Variants in MEX3D observed in about 807,000 individuals in gnomAD.
MEX3D encodes the protein mex-3 RNA binding family member D.
Under a neutral mutation model 6.3 loss-of-function variants are expected in MEX3D, and 4 were observed. The ratio of observed to expected loss-of-function variants is 0.64; its 90% CI spans 0.31 to 1.46. The LOEUF (loss-of-function observed/expected upper bound fraction) is 1.46, where lower values mean the gene tolerates loss of function less well. Among genes scored for constraint, MEX3D ranks in the 40% most tolerant of loss-of-function variants. The probability of loss-of-function intolerance (pLI) is 0.07; values close to 1 mark genes in which losing one functional copy is unlikely to be tolerated. For synonymous variants in MEX3D, 626 were observed against 494.1 expected, an observed-to-expected ratio of 1.27 and a Z score of -3.54; for missense variants, 1,038 against 994.4, an observed-to-expected ratio of 1.04 and a Z score of -0.59.
rs185215003 is a variant in MEX3D at position 1,556,945 on chromosome 19, G to C, written c.596-22C>G. 2.5e-6 allele frequency: 4 copies of C among 1,575,290 alleles called. No individual in the cohort carries two copies. The African/African-American group carries it at 4.0e-5, about 16-fold the overall frequency. On this transcript the variant is annotated intron_variant, in intron 1 of 1. Transcript: ENST00000402693. This position sits in a 1 kb window ranked among gnomAD's most constrained non-coding sequence, Gnocchi z 7.5. ...CAGCCTGTCCGGGAGGGAGGGGAAG[G>C]ACAAGGTGACCCAGAGCCCCCTGCG... is the stretch of plus-strand genomic sequence containing the variant.
chr19:1,564,527 C>T (rs1370854571), intron 1 of MEX3D, among the ~76,000 whole-genome samples: 2 of 134,128 alleles, frequency 1.5e-5, no homozygotes, highest in Non-Finnish European at 3.1e-5. Flanking sequence ...AGCGAGACTC[C>T]ATCCCAAAAA....
chr19:1,568,126 C>T lies in MEX3D; in HGVS notation c.-68G>A, dbSNP rs890555448. The T allele has an allele frequency of 5.4e-5, 53 of 978,054 alleles. No homozygotes were observed. Among genetic ancestry groups the T allele is most frequent in the Non-Finnish European group, 6.0e-5 (50 of 827,076 alleles). 60.6% of individuals were successfully genotyped at this position (978,054 alleles called of 1,614,324 possible). A position where few individuals can be genotyped will look rare whatever the true frequency, so the allele number is the denominator to read the frequency against. ...CGCCGCCGCCGCCCGCGCCGCCCTC[C>T]GCCTCTGCGAGCTGGGCCGCCGGCC... On this transcript the variant is annotated 5_prime_UTR_variant, in exon 1 of 2. Coordinates refer to ENST00000402693, the MANE Select transcript of MEX3D (RefSeq NM_203304.4).
At chr19:1,560,982 G>A (rs1914703508) in intron 1 of MEX3D, among the ~76,000 whole-genome samples, 1 of 152,224 alleles carries the variant, frequency 6.6e-6, no homozygotes, top group South Asian at 2.1e-4. Context: ...GGACACCGAA[G>A]GTTGGCAGGC....
rs1344445535 is a variant in MEX3D, at chr19:1,568,277, GCGGCGGCGA to G, written c.-228_-220del. On this transcript the variant is annotated 5_prime_UTR_variant, in exon 1 of 2. Transcript: ENST00000402693. ...CAGCGACTCTGGCTGCGGCTCGGCG[GCGGCGGCGA>G]CGGCGGCGGCGGCTCCTCGGCGGCC... Among the ~76,000 whole-genome samples, 2 of 141,518 alleles carry G rather than the reference GCGGCGGCGA, an allele frequency of 1.4e-5. No homozygotes were observed. Among genetic ancestry groups the G allele is most frequent in the Non-Finnish European group, 3.1e-5 (2 of 63,946 alleles). The allele number at this position is 141,518 out of a possible 152,430, so 92.8% of individuals were successfully genotyped here.
chr19:1,558,414 G>A (rs1043211830), intron 1 of MEX3D, among the ~76,000 whole-genome samples: 11 of 151,908 alleles, frequency 7.2e-5, no homozygotes, highest in African/African-American at 2.7e-4. Flanking sequence ...AGAGAAGCTG[G>A]CCTTGTGGAG....
chr19:1,564,942 T>C (rs943686402), intron 1 of MEX3D, among the ~76,000 whole-genome samples: 24 of 152,152 alleles, frequency 1.6e-4, no homozygotes, highest in African/African-American at 4.8e-4. Flanking sequence ...CAGATGGTTC[T>C]ACAGTGTGGA....
At chr19:1,564,042 G>A (rs919949076) in intron 1 of MEX3D, among the ~76,000 whole-genome samples, 5 of 150,924 alleles carry the variant, frequency 3.3e-5, no homozygotes, top group Admixed American at 1.3e-4. Flanking sequence ...TCCTAGGCTC[G>A]AGGGATCCTC....
rs367863015 is a variant in MEX3D at position 1,555,291 on chromosome 19, A to G, written c.*272T>C. ...AAAATAAGAAAACTAAAAAAAGTGCAAGCGGACCTTTTCTCTCCGGTTTAT... is the reference window on the plus strand; with the variant it reads ...AAAATAAGAAAACTAAAAAAAGTGCGAGCGGACCTTTTCTCTCCGGTTTAT... On this transcript the variant is annotated 3_prime_UTR_variant, in exon 2 of 2. Coordinates refer to ENST00000402693, the MANE Select transcript of MEX3D (RefSeq NM_203304.4). The G allele has an allele frequency of 6.4e-7, 1 of 1,565,432 alleles. No homozygotes were observed. The highest frequency in any genetic ancestry group is 8.7e-7 in the Non-Finnish European group (1 of 1,149,842).
chr19:1,556,180 C>T lies in MEX3D; in HGVS notation c.1339G>A (p.Ala447Thr), dbSNP rs766316451. 5.5e-6 allele frequency: 8 copies of T among 1,458,610 alleles called. No individual in the cohort carries two copies. The highest frequency in any genetic ancestry group is 2.2e-5 in the Admixed American group (1 of 45,476). 90.4% of individuals were successfully genotyped at this position (1,458,610 alleles called of 1,614,324 possible). A position where few individuals can be genotyped will look rare whatever the true frequency, so the allele number is the denominator to read the frequency against. Residue 447 changes from alanine to threonine, a missense_variant, in exon 2 of 2, where the codon GCC becomes ACC. By Grantham distance (58) the Ala-to-Thr change is moderately conservative. Around this residue, in one of 5 missense-constraint regions of MEX3D, gnomAD observed 581 missense variants for 516.2 expected, o/e 1.13. Coordinates refer to ENST00000402693, the MANE Select transcript of MEX3D (RefSeq NM_203304.4). The surrounding 1 kb of genome is among the most constrained non-coding windows in gnomAD (Gnocchi z 7.5). ...EGPGAPVGTA[A>T]PDDCDFGFDF... Reference sequence around the variant, plus strand: ...AAGCCGAAGTCGCAGTCGTCGGGGGCGGCCGTCCCCACCGGGGCACCGGGA... The same window carrying T: ...AAGCCGAAGTCGCAGTCGTCGGGGGTGGCCGTCCCCACCGGGGCACCGGGA...
In MEX3D at chr19:1,555,761, C is replaced by T; in HGVS notation, c.1758G>A (p.Lys586=). ...CCGGGGCCGAGGACGCCGAAGGGGG[C>T]TTGCGGCTGTTCTCGGAGGCGCCGG... ...LDSGASENSR[K]PPSASSAPAL... Residue 586 remains lysine (K), a synonymous_variant, in exon 2 of 2, where the codon AAG becomes AAA. Transcript: ENST00000402693. The T allele has an allele frequency of 6.7e-7, 1 of 1,493,494 alleles. No homozygotes were observed. Among genetic ancestry groups the T allele is most frequent in the Non-Finnish European group, 8.9e-7 (1 of 1,127,918 alleles). The allele number at this position is 1,493,494 out of a possible 1,614,324, so 92.5% of individuals were successfully genotyped here.
At chr19:1,562,134 G>T (rs900755561) in intron 1 of MEX3D, among the ~76,000 whole-genome samples, 2 of 151,782 alleles carry the variant, frequency 1.3e-5, no homozygotes, top group African/African-American at 4.8e-5. Flanking sequence ...GGTGGTGGGC[G>T]CCTGTAGTCC....
rs1345024174 is a variant in MEX3D at position 1,555,362 on chromosome 19, C to T, written c.*201G>A. The T allele has an allele frequency of 1.2e-6, 2 of 1,602,104 alleles. No individual in the cohort carries two copies. The highest frequency in any genetic ancestry group is 3.3e-5 in the Admixed American group (2 of 59,718). On this transcript the variant is annotated 3_prime_UTR_variant, in exon 2 of 2. Transcript: ENST00000402693. ...CTGTCGTTGAAGGGCTGAGGCGCCG[C>T]CGGGCTGCGGGGTCTCCGTCTCCAC...
rs1599330486 is a variant in MEX3D, at chr19:1,567,705, G to A, written c.354C>T (p.Ala118=). 9.4e-7 allele frequency: 1 copy of A among 1,059,514 alleles called. No homozygotes were observed. The highest frequency in any genetic ancestry group is 4.1e-4 in the Middle Eastern group (1 of 2,456). 65.6% of individuals were successfully genotyped at this position (1,059,514 alleles called of 1,614,324 possible). ...EAGAPPTLAP[A]VAPGSLPLLD... ...GCAGCGGCAGCGACCCGGGGGCCAC[G>A]GCGGGGGCCAGGGTCGGGGGCGCGC... Residue 118 remains alanine (A), a synonymous_variant, in exon 1 of 2, where the codon GCC becomes GCT. Transcript: ENST00000402693. This position sits in a 1 kb window ranked among gnomAD's most constrained non-coding sequence, Gnocchi z 6.5.
At chr19:1,557,231 CA>C (rs1914597335) in intron 1 of MEX3D, among the ~76,000 whole-genome samples, 1 of 152,174 alleles carries the variant, frequency 6.6e-6, no homozygotes, top group Non-Finnish European at 1.5e-5. Context: ...CCCAAGTTCA[CA>C]AGCTGGACCC....
At position 1,555,293 on chromosome 19, in the gene MEX3D, G is replaced by C; in HGVS notation, c.*270C>G. On this transcript the variant is annotated 3_prime_UTR_variant, in exon 2 of 2. Transcript: ENST00000402693. The stretch of plus-strand genomic sequence containing the variant: ...AATAAGAAAACTAAAAAAAGTGCAA[G>C]CGGACCTTTTCTCTCCGGTTTATTG... 1.3e-6 allele frequency: 2 copies of C among 1,567,362 alleles called. No individual in the cohort carries two copies. Among genetic ancestry groups the C allele is most frequent in the South Asian group, 2.3e-5 (2 of 88,530 alleles).
rs1280740170 is a variant in MEX3D, at chr19:1,555,735, G to A, written c.1784C>T (p.Ala595Val). The A allele has an allele frequency of 3.9e-6, 6 of 1,521,430 alleles. No individual in the cohort carries two copies. The highest frequency in any genetic ancestry group is 1.4e-5 in the African/African-American group (1 of 70,086). 94.2% of individuals were successfully genotyped at this position (1,521,430 alleles called of 1,614,324 possible). Reference sequence around the variant, plus strand: ...GCACACCACGCACTCTCGCGCCAGGGCCGGGGCCGAGGACGCCGAAGGGGG... The same window carrying A: ...GCACACCACGCACTCTCGCGCCAGGACCGGGGCCGAGGACGCCGAAGGGGG... ...RKPPSASSAP[A>V]LARECVVCAE... The change falls in exon 2 of 2, where the codon GCC becomes GTC. Residue 595 changes from alanine (A) to valine (V), a missense_variant. Ala to Val is a moderately conservative substitution (Grantham distance 64, BLOSUM62 0). Coordinates refer to ENST00000402693, the MANE Select transcript of MEX3D (RefSeq NM_203304.4).
chr19:1,559,170 T>G lies in MEX3D; in HGVS notation c.596-2247A>C, dbSNP rs188110276. Among the ~76,000 whole-genome samples the G allele has an allele frequency of 3.3e-5, 5 of 152,156 alleles. No homozygotes were observed. In the East Asian group the frequency reaches 7.7e-4, roughly 24 times the overall value. ...TATTGAGACGGAGTTTTGCTCTTGTTGCCCAGGCTGGAGTGCAGTGGTACC... is the reference window on the plus strand; with the variant it reads ...TATTGAGACGGAGTTTTGCTCTTGTGGCCCAGGCTGGAGTGCAGTGGTACC... On this transcript the variant is annotated intron_variant, in intron 1 of 1. Coordinates refer to ENST00000402693, the MANE Select transcript of MEX3D (RefSeq NM_203304.4).
chr19:1,556,006 T>A lies in MEX3D; in HGVS notation c.1513A>T (p.Ser505Cys). 8.2e-7 allele frequency: 1 copy of A among 1,225,330 alleles called. No individual in the cohort carries two copies. 75.9% of individuals were successfully genotyped at this position (1,225,330 alleles called of 1,614,324 possible). Residue 505 changes from serine (S) to cysteine (C), a missense_variant, in exon 2 of 2, where the codon AGC (serine) becomes TGC (cysteine). Ser to Cys is a moderately radical substitution (Grantham distance 112, BLOSUM62 -1). Around this residue, in one of 5 missense-constraint regions of MEX3D, gnomAD observed 581 missense variants for 516.2 expected, o/e 1.13. Transcript: ENST00000402693. This position sits in a 1 kb window ranked among gnomAD's most constrained non-coding sequence, Gnocchi z 7.5. Reference protein sequence around the residue: ...PGPPAAGARRSSGAGTPRHSP... With the variant: ...PGPPAAGARRCSGAGTPRHSP... ...TGGCGGGGGGTCCCGGCCCCACTGC[T>A]GCGCCGGGCGCCGGCGGCGGGAGGT...
intron 1 of MEX3D, among the ~76,000 whole-genome samples, chr19:1,557,451 A>G (rs1914603091): frequency 6.6e-6 from 1 of 151,132 alleles, no homozygotes; most frequent in Admixed American, 6.6e-5. Flanking sequence ...CTGTAGTCCC[A>G]GGTACTTGGG....
Sources: allele counts gnomAD v4.1 joint callset (sites outside exome capture counted in the v4.1 genomes callset), GRCh38; gene constraint gnomAD v4.1.1; regional missense constraint gnomAD v4.1.1; non-coding constraint Gnocchi (gnomAD v3.1); transcripts MANE v1.5; gene names NCBI Gene and HGNC (gene_info 2026-07-23, HGNC 2026-07-21).